The following RUNX1 variants were observed in gnomAD, a reference collection of about 807,000 sequenced individuals.
The protein encoded by RUNX1 is RUNX family transcription factor 1, also known as runt-related transcription factor 1.
In RUNX1, 19 loss-of-function variants were observed where a neutral mutation model predicts 42.8. That is an observed-to-expected ratio of 0.44 (90% CI 0.31 to 0.65). RUNX1 has a LOEUF of 0.65. Among genes scored for constraint, RUNX1 ranks in the 30% least tolerant of loss-of-function variants. The pLI is 0.07. For missense variants in RUNX1, 528 were observed against 672.0 expected, an observed-to-expected ratio of 0.79 and a Z score of 2.37; for synonymous variants, 271 against 289.4, an observed-to-expected ratio of 0.94 and a Z score of 0.64.
intron 2 of RUNX1, among the ~76,000 whole-genome samples, chr21:34,992,459 T>C (rs2058951655): frequency 5.3e-5 from 8 of 152,020 alleles, no homozygotes. Flanking sequence ...GAAGTGAACA[T>C]GAGTCAGGTA....
rs75913876 is a variant in RUNX1 at position 34,892,151 on chromosome 21, T to A, written c.97+774A>T. ...CTATTTTAAATGACCATTTACATTT[T>A]AAAAAATAGAATGTATCTTGCTATG... On this transcript the variant is annotated intron_variant, in intron 3 of 8. Coordinates refer to ENST00000675419, the MANE Select transcript of RUNX1 (RefSeq NM_001754.5). Among the ~76,000 whole-genome samples, 612 of 152,334 alleles carry A rather than the reference T, an allele frequency of 4.0e-3. 2 individuals carry two copies. Among genetic ancestry groups the A allele is most frequent in the African/African-American group, 0.012 (516 of 41,566 alleles).
chr21:34,865,871 C>T (rs1452354953), intron 5 of RUNX1, among the ~76,000 whole-genome samples: 1 of 152,188 alleles, frequency 6.6e-6, no homozygotes, highest in African/African-American at 2.4e-5. Flanking sequence ...ACATGCAGCT[C>T]GGGGTCATTT....
intron 5 of RUNX1, among the ~76,000 whole-genome samples, chr21:34,867,975 G>A (rs2057686515): frequency 6.6e-6 from 1 of 152,126 alleles, no homozygotes; most frequent in Admixed American, 6.5e-5. Flanking sequence ...CCCTAGCCGG[G>A]TGCCTCAAAC....
intron 5 of RUNX1, among the ~76,000 whole-genome samples, chr21:34,866,645 A>T (rs1046956171): frequency 2.0e-5 from 3 of 152,206 alleles, no homozygotes; most frequent in Admixed American, 2.0e-4. Context: ...TATTTTTGAC[A>T]GTGGAGTTGT....
At chr21:34,916,294 TAA>T (rs767133229) in intron 2 of RUNX1, among the ~76,000 whole-genome samples, 2 of 152,162 alleles carry the variant, frequency 1.3e-5, no homozygotes, top group Non-Finnish European at 2.9e-5. Flanking sequence ...TAATATACTC[TAA>T]AGAGTTCTGG....
At chr21:34,968,777 G>A (rs1423867650) in intron 2 of RUNX1, among the ~76,000 whole-genome samples, 1 of 152,104 alleles carries the variant, frequency 6.6e-6, no homozygotes, top group East Asian at 1.9e-4. Context: ...ATTCACCTGA[G>A]GGTAACTGCC....
intron 5 of RUNX1, 150 bp downstream of exon 5, chr21:34,880,407 A>C (rs2057879318): frequency 1.4e-6 from 1 of 731,424 alleles, no homozygotes; most frequent in Admixed American, 2.5e-5. Flanking sequence ...TTAAACTTCA[A>C]ATAAATATTT....
chr21:34,826,603 A>ATT (rs369414974), intron 7 of RUNX1, among the ~76,000 whole-genome samples: 1 of 143,136 alleles, frequency 7.0e-6, no homozygotes, highest in South Asian at 2.2e-4. Flanking sequence ...TGCCCAGCTA[A>ATT]TTTTTTTTTT....
intron 7 of RUNX1, among the ~76,000 whole-genome samples, chr21:34,828,535 A>T (rs1161362917): frequency 1.3e-5 from 2 of 152,224 alleles, no homozygotes; most frequent in Non-Finnish European, 2.9e-5. Flanking sequence ...TGTATTTTTA[A>T]AATGAGAATC....
At chr21:34,861,426 C>T (rs2057573783) in intron 5 of RUNX1, among the ~76,000 whole-genome samples, 1 of 152,166 alleles carries the variant, frequency 6.6e-6, no homozygotes, top group Non-Finnish European at 1.5e-5. Flanking sequence ...GGGGAGCAGC[C>T]ACATCCACAT....
At chr21:34,889,783 C>T in intron 3 of RUNX1, 5 of 1,142,382 alleles carry the variant, frequency 4.4e-6, no homozygotes, top group Non-Finnish European at 5.4e-6. Context: ...GCGTGCGCTG[C>T]CAACTCCGAC....
chr21:34,858,035 G>C (rs552432068), intron 6 of RUNX1, among the ~76,000 whole-genome samples: 2 of 152,228 alleles, frequency 1.3e-5, no homozygotes, highest in African/African-American at 2.4e-5. Flanking sequence ...GAGTCACCGA[G>C]CACAGCAAAT....
chr21:34,821,624 A>C (rs200377916), intron 7 of RUNX1: 7 of 1,557,686 alleles, frequency 4.5e-6, no homozygotes, highest in Middle Eastern at 3.4e-4. Context: ...AGATAGCTCT[A>C]TCCTGGCTGG....
chr21:35,004,756 G>T, intron 2 of RUNX1, among the ~76,000 whole-genome samples: 1 of 152,134 alleles, frequency 6.6e-6, no homozygotes, highest in South Asian at 2.1e-4. Flanking sequence ...CAACTTTCGG[G>T]CTCACAAGAG....
chr21:34,858,097 CT>C (rs965788231), intron 6 of RUNX1, among the ~76,000 whole-genome samples: 1 of 152,202 alleles, frequency 6.6e-6, no homozygotes, highest in African/African-American at 2.4e-5. Context: ...TGGCCTGCCC[CT>C]GGTGGGCATG....
chr21:35,016,255 C>T (rs922321310), intron 2 of RUNX1, among the ~76,000 whole-genome samples: 2 of 152,174 alleles, frequency 1.3e-5, no homozygotes, highest in Non-Finnish European at 2.9e-5. Context: ...GCTTCCCTTG[C>T]GCGTGGGGTG....
chr21:34,965,059 C>A (rs1739269322), intron 2 of RUNX1, among the ~76,000 whole-genome samples: 3 of 152,166 alleles, frequency 2.0e-5, no homozygotes, highest in Admixed American at 2.0e-4. Context: ...CACACACAGC[C>A]TTCCATGCAC....
intron 6 of RUNX1, among the ~76,000 whole-genome samples, chr21:34,846,116 G>A (rs2057310948): frequency 6.6e-6 from 1 of 151,464 alleles, no homozygotes; most frequent in South Asian, 2.1e-4. Flanking sequence ...TTAACACCAA[G>A]GTCTCTGACC....
chr21:34,976,873 T>A (rs1231588142), intron 2 of RUNX1, among the ~76,000 whole-genome samples: 4 of 151,298 alleles, frequency 2.6e-5, no homozygotes, highest in Admixed American at 6.6e-5. Context: ...AAAAAAAAAA[T>A]GCTAGAGGTG....
Sources: gnomAD v4.1 joint callset for allele counts (sites outside exome capture counted in the v4.1 genomes callset) on GRCh38, gnomAD v4.1.1 for gene constraint, MANE v1.5 for transcripts, NCBI Gene and HGNC (gene_info 2026-07-23, HGNC 2026-07-21) for gene names.